The following MAPKAP1 variants were observed in gnomAD, a reference collection of about 807,000 sequenced individuals.
The protein encoded by MAPKAP1 is target of rapamycin complex 2 subunit MAPKAP1.
Under a neutral mutation model 65.7 loss-of-function variants are expected in MAPKAP1, and 20 were observed. The observed-to-expected ratio is 0.30, with a 90% CI of 0.21 to 0.44. The LOEUF (loss-of-function observed/expected upper bound fraction) is 0.44. Among genes scored for constraint, MAPKAP1 ranks in the 20% least tolerant of loss-of-function variants. MAPKAP1 has a pLI of 1.00. For missense variants in MAPKAP1, 423 were observed against 648.0 expected, an observed-to-expected ratio of 0.65 and a Z score of 3.77; for synonymous variants, 222 against 244.3, an observed-to-expected ratio of 0.91 and a Z score of 0.85.
intron 4 of MAPKAP1, among the ~76,000 whole-genome samples, chr9:125,601,010 T>C (rs994478438): frequency 2.6e-5 from 4 of 152,180 alleles, no homozygotes; most frequent in Admixed American, 1.3e-4. Context: ...AAAGTAAAAA[T>C]TGGTTTTTTT....
intron 9 of MAPKAP1, among the ~76,000 whole-genome samples, chr9:125,479,515 G>A (rs1854230056): frequency 6.6e-6 from 1 of 151,968 alleles, no homozygotes; most frequent in Non-Finnish European, 1.5e-5. Flanking sequence ...GGGAGGCGGA[G>A]GTTGCAGTGA....
intron 8 of MAPKAP1, among the ~76,000 whole-genome samples, chr9:125,496,419 C>T (rs1276525003): frequency 2.0e-5 from 3 of 152,216 alleles, no homozygotes; most frequent in Non-Finnish European, 2.9e-5. Context: ...ACGAACATCA[C>T]AAGTCATTTT....
intron 4 of MAPKAP1, among the ~76,000 whole-genome samples, chr9:125,622,987 G>A (rs1045070794): frequency 1.4e-4 from 21 of 152,174 alleles, no homozygotes; most frequent in African/African-American, 3.6e-4. Context: ...TGGTGGAGAC[G>A]GGGTTTCGCT....
intron 4 of MAPKAP1, 124 bp downstream of exon 4, chr9:125,657,527 T>C (rs1473260763): frequency 2.3e-6 from 2 of 874,430 alleles, no homozygotes; most frequent in Non-Finnish European, 3.5e-6. Context: ...GTAAGTGACA[T>C]TCTATAACTG....
chr9:125,485,544 T>G (rs1040300611), intron 8 of MAPKAP1, among the ~76,000 whole-genome samples: 5 of 152,210 alleles, frequency 3.3e-5, no homozygotes, highest in Non-Finnish European at 7.3e-5. Flanking sequence ...CACACATGCC[T>G]TCTCTCAGCC....
rs527741718 is a variant in MAPKAP1 at position 125,585,711 on chromosome 9, G to A, written c.515C>T (p.Thr172Ile). 1.2e-6 allele frequency: 2 copies of A among 1,614,184 alleles called. No homozygotes were observed. The highest frequency in any genetic ancestry group is 1.7e-5 in the Admixed American group (1 of 60,020). ...GTAGACATCGATCTTCTTGGTTGCT[G>A]TTGTACCTACATGACCCTGTGGACA... The part of the protein sequence containing the change: ...KFDGKGHVGT[T>I]ATKKIDVYLP... The change falls in exon 5 of 12, where the codon ACA (threonine) becomes ATA (isoleucine). Residue 172 changes from threonine to isoleucine, a missense_variant. Physicochemically the swap from Thr to Ile is moderately conservative, Grantham distance 89. Coordinates refer to ENST00000265960, the MANE Select transcript of MAPKAP1 (RefSeq NM_001006617.3).
chr9:125,660,324 G>A (rs149405935), intron 3 of MAPKAP1, among the ~76,000 whole-genome samples: 5 of 152,218 alleles, frequency 3.3e-5, no homozygotes, highest in African/African-American at 1.2e-4. Flanking sequence ...TGACAGAATT[G>A]CTCTATACTT....
chr9:125,622,610 T>G (rs577653691), intron 4 of MAPKAP1, among the ~76,000 whole-genome samples: 54 of 152,156 alleles, frequency 3.5e-4, no homozygotes, highest in Middle Eastern at 3.4e-3. Flanking sequence ...CATGCCTGGC[T>G]AATTTTTGTA....
In MAPKAP1 at chr9:125,548,222, T is replaced by C. The variant is rs149075204; in HGVS notation, c.849-5054A>G. Among the ~76,000 whole-genome samples, 14 of 152,330 alleles carry C rather than the reference T, an allele frequency of 9.2e-5. No homozygotes were observed. In the East Asian group the frequency reaches 2.3e-3, roughly 25 times the overall value. On this transcript the variant is annotated intron_variant, in intron 6 of 11. Transcript: ENST00000265960. ...ATTCAGAAATCAACAATGTGGTCCC[T>C]AACCCAAGCTGCACAGTCCAGTGGG...
Position 125,658,024 on chromosome 9 carries a change from G to C in MAPKAP1, c.350-225C>G, listed in dbSNP as rs115878014. ...TTGGAAAGAGAAGGGGTTAAGGGAG[G>C]GGGAAGAATCAGACAAAGTAACAAA... On this transcript the variant is annotated intron_variant, in intron 3 of 11. Transcript: ENST00000265960. Among the ~76,000 whole-genome samples the C allele has an allele frequency of 1.7e-3, 258 of 152,274 alleles. 1 individual carries two copies. The highest frequency in any genetic ancestry group is 6.0e-3 in the African/African-American group (251 of 41,534).
intron 9 of MAPKAP1, among the ~76,000 whole-genome samples, chr9:125,478,546 T>C (rs1854191541): frequency 6.6e-6 from 1 of 152,098 alleles, no homozygotes; most frequent in African/African-American, 2.4e-5. Context: ...TCCAGACTGG[T>C]CTTGAATTCC....
intron 10 of MAPKAP1, among the ~76,000 whole-genome samples, chr9:125,464,146 T>A (rs1336225006): frequency 7.0e-6 from 1 of 141,924 alleles, no homozygotes; most frequent in East Asian, 2.1e-4. Flanking sequence ...GGAGGATCAC[T>A]TGAGCCCAGG....
At chr9:125,681,571 A>G (rs1301395808) in intron 1 of MAPKAP1, among the ~76,000 whole-genome samples, 1 of 152,162 alleles carries the variant, frequency 6.6e-6, no homozygotes, top group Non-Finnish European at 1.5e-5. Context: ...AGAATCTTAC[A>G]TCTGCCAAGA....
At chr9:125,585,362 C>T (rs1467919713) in intron 5 of MAPKAP1, among the ~76,000 whole-genome samples, 193 bp downstream of exon 5, 1 of 152,206 alleles carries the variant, frequency 6.6e-6, no homozygotes, top group Non-Finnish European at 1.5e-5. Context: ...CTGTAATTCA[C>T]AAACTTCTAA....
At chr9:125,628,613 C>A (rs1448157629) in intron 4 of MAPKAP1, among the ~76,000 whole-genome samples, 1 of 152,074 alleles carries the variant, frequency 6.6e-6, no homozygotes, top group Non-Finnish European at 1.5e-5. Context: ...AACTATAAAA[C>A]CTCTAGAAGA....
chr9:125,666,721 G>T (rs1024101988), intron 3 of MAPKAP1, among the ~76,000 whole-genome samples: 1 of 152,206 alleles, frequency 6.6e-6, no homozygotes, highest in African/African-American at 2.4e-5. Context: ...GAGAGAGTAC[G>T]TTTGTGGGAG....
chr9:125,562,040 A>C (rs1830908624), intron 5 of MAPKAP1, among the ~76,000 whole-genome samples: 1 of 152,214 alleles, frequency 6.6e-6, no homozygotes, highest in South Asian at 2.1e-4. Context: ...TGGATGGAAC[A>C]AGCAACAGAC....
chr9:125,492,710 C>A (rs755082500), intron 8 of MAPKAP1, among the ~76,000 whole-genome samples: 1 of 152,204 alleles, frequency 6.6e-6, no homozygotes, highest in Admixed American at 6.5e-5. Context: ...GAGTCTTACA[C>A]CAAGTCTAAA....
chr9:125,446,113 T>C (rs1276820697), intron 10 of MAPKAP1, among the ~76,000 whole-genome samples: 1 of 152,206 alleles, frequency 6.6e-6, no homozygotes, highest in Non-Finnish European at 1.5e-5. Context: ...CCCATATTAC[T>C]GTAAGTTCAC....
Sources: gnomAD v4.1 joint callset for allele counts (sites outside exome capture counted in the v4.1 genomes callset) on GRCh38, gnomAD v4.1.1 for gene constraint, MANE v1.5 for transcripts, NCBI Gene and HGNC (gene_info 2026-07-23, HGNC 2026-07-21) for gene names.